Variants in TUT7 observed in about 807,000 individuals in gnomAD.
The protein encoded by TUT7 is terminal uridylyltransferase 7.
In TUT7, 33 loss-of-function variants were observed where a neutral mutation model predicts 165.9. The ratio of observed to expected loss-of-function variants is 0.20; its 90% confidence interval spans 0.15 to 0.27. The LOEUF is 0.27. Among genes scored for constraint, TUT7 ranks in the 10% least tolerant of loss-of-function variants. TUT7 has a pLI of 1.00. For synonymous variants in TUT7, 552 were observed against 608.1 expected (o/e 0.91, Z 1.36); for missense variants, 1,338 against 1,762.3 (o/e 0.76, Z 4.31).
chr9:86,302,952 T>C (rs1390735212), intron 25 of TUT7, 134 bp downstream of exon 25: 2 of 511,826 alleles, frequency 3.9e-6, no homozygotes, highest in East Asian at 3.1e-5. Flanking sequence ...AAAAATAAAA[T>C]AAAAAACTTA....
At chr9:86,326,607 C>T (rs750544173) in intron 11 of TUT7, 1 of 154,368 alleles carries the variant, frequency 6.5e-6, no homozygotes, top group Non-Finnish European at 1.5e-5. Flanking sequence ...TACAAGAAAT[C>T]CATATATCAC....
In TUT7 at chr9:86,346,494, A is replaced by G. The variant is rs775848542; in HGVS notation, c.521-14T>C. ...GCTTCTTGTTTTCTTAAGGTGGGGGAAAAATATTATTGGCAATATTAAATA... is the reference window on the plus strand; with the variant it reads ...GCTTCTTGTTTTCTTAAGGTGGGGGGAAAATATTATTGGCAATATTAAATA... On this transcript the variant is annotated splice_polypyrimidine_tract_variant and intron_variant, in intron 2 of 26. Transcript: ENST00000375963. The G allele has an allele frequency of 4.6e-5, 74 of 1,608,822 alleles. 1 individual carries two copies. The highest frequency in any genetic ancestry group is 6.3e-5 in the Non-Finnish European group (74 of 1,177,892).
At chr9:86,301,739 CCTA>C (rs1206569486) in intron 25 of TUT7, 138 bp from the exon 26 acceptor site, 1 of 1,460,612 alleles carries the variant, frequency 6.8e-7, no homozygotes, top group African/African-American at 1.4e-5. Flanking sequence ...AAAGCAAGAA[CCTA>C]AATGAAAATC....
intron 12 of TUT7, 151 bp downstream of exon 12, chr9:86,325,183 C>T: frequency 1.4e-6 from 1 of 696,016 alleles, no homozygotes; most frequent in Non-Finnish European, 2.4e-6. Flanking sequence ...CCACTGTTAA[C>T]ACATGCAAGA....
chr9:86,288,645 G>A lies in TUT7; in HGVS notation c.*32C>T. 4 of 1,584,464 alleles carry A rather than the reference G, an allele frequency of 2.5e-6. No individual in the cohort carries two copies. Among genetic ancestry groups the A allele is most frequent in the Non-Finnish European group, 3.5e-6 (4 of 1,153,562 alleles). On this transcript the variant is annotated 3_prime_UTR_variant, in exon 27 of 27. Coordinates refer to ENST00000375963, the MANE Select transcript of TUT7 (RefSeq NM_024617.4). The stretch of plus-strand genomic sequence containing the variant: ...TTTCCGAGTGAATAGGAACGCCTGA[G>A]TGGCCATTTAGAGTGCTGCATTTTC...
At chr9:86,346,569 GAGAGA>G in intron 2 of TUT7, 89 bp from the exon 3 acceptor site, 1 of 1,321,724 alleles carries the variant, frequency 7.6e-7, no homozygotes, top group Non-Finnish European at 1.0e-6. Flanking sequence ...TAAATCATGT[GAGAGA>G]ATAAATCACA....
At chr9:86,324,943 A>C (rs1829657848) in intron 12 of TUT7, among the ~76,000 whole-genome samples, 1 of 152,356 alleles carries the variant, frequency 6.6e-6, no homozygotes, top group Non-Finnish European at 1.5e-5. Flanking sequence ...TATTGTCCTC[A>C]CCTTTGCAAA....
intron 24 of TUT7, among the ~76,000 whole-genome samples, chr9:86,304,571 C>T (rs1827275873): frequency 6.6e-6 from 1 of 152,032 alleles, no homozygotes; most frequent in Non-Finnish European, 1.5e-5. Context: ...CAGCAATGCA[C>T]CTATGAAGGC....
At position 86,345,824 on chromosome 9, in the gene TUT7, TA is replaced by T. The variant is rs1406307786; in HGVS notation, c.703-40del. The T allele has an allele frequency of 2.1e-6, 3 of 1,397,766 alleles. No individual in the cohort carries two copies. In the African/African-American group the frequency reaches 4.3e-5, roughly 20 times the overall value. The allele number at this position is 1,397,766 out of a possible 1,614,324, so 86.6% of individuals were successfully genotyped here. ...AGATTTATTTAGAGAGAGACATAAG[TA>T]AAACCAAACATTCAGATAAACAAAA... On this transcript the variant is annotated intron_variant, in intron 3 of 26. Transcript: ENST00000375963.
chr9:86,321,189 CT>C (rs1829256778), intron 14 of TUT7, among the ~76,000 whole-genome samples: 1 of 145,446 alleles, frequency 6.9e-6, no homozygotes, highest in Admixed American at 6.8e-5. Context: ...CCCATCTCTA[CT>C]AAAAAAAAAA....
At chr9:86,291,303 A>T (rs1394688542) in intron 26 of TUT7, among the ~76,000 whole-genome samples, 4 of 152,102 alleles carry the variant, frequency 2.6e-5, no homozygotes, top group Non-Finnish European at 4.4e-5. Flanking sequence ...TAAACATGTA[A>T]AAAGGGCCTG....
At chr9:86,290,526 T>C (rs569314914) in intron 26 of TUT7, among the ~76,000 whole-genome samples, 3 of 152,208 alleles carry the variant, frequency 2.0e-5, no homozygotes, top group South Asian at 2.1e-4. Context: ...ATCTTCGATA[T>C]TGTGAACTGC....
Position 86,323,236 on chromosome 9 carries a change from T to C in TUT7, c.2514A>G (p.Thr838=). 1 of 1,614,174 alleles carries C rather than the reference T, an allele frequency of 6.2e-7. No homozygotes were observed. The highest frequency in any genetic ancestry group is 8.5e-7 in the Non-Finnish European group (1 of 1,180,032). Residue 838 remains threonine (T), a synonymous_variant, in exon 13 of 27, where the codon ACA becomes ACG. Transcript: ENST00000375963. ...NHFTHSVQGQ[T]SEMIPSDEEE... ...CTTCATCAGAGGGAATCATTTCTGA[T>C]GTCTGGCCCTGTACTGAGTGGGTAA... is the stretch of plus-strand genomic sequence containing the variant.
chr9:86,345,323 A>C (rs886324505), intron 4 of TUT7, among the ~76,000 whole-genome samples, 169 bp from the exon 5 acceptor site: 1 of 152,202 alleles, frequency 6.6e-6, no homozygotes, highest in Admixed American at 6.5e-5. Flanking sequence ...TTATGCACAT[A>C]ATGTGGATCA....
At chr9:86,353,769 G>A (rs1168621299) in intron 1 of TUT7, among the ~76,000 whole-genome samples, 2 of 152,150 alleles carry the variant, frequency 1.3e-5, no homozygotes, top group Non-Finnish European at 2.9e-5. Flanking sequence ...CTTAGGTTAC[G>A]GAGGGGCTGG....
intron 2 of TUT7, among the ~76,000 whole-genome samples, chr9:86,350,489 C>T (rs1832177133): frequency 6.6e-6 from 1 of 152,138 alleles, no homozygotes; most frequent in Non-Finnish European, 1.5e-5. Context: ...AATCAAAAGC[C>T]CAGAAATTAT....
In TUT7 at chr9:86,341,007, T is replaced by C; in HGVS notation, c.1133A>G (p.Asn378Ser). The C allele has an allele frequency of 6.2e-7, 1 of 1,611,384 alleles. No individual in the cohort carries two copies. Among genetic ancestry groups the C allele is most frequent in the Admixed American group, 1.7e-5 (1 of 59,956 alleles). ...VLLLVQECLK[N>S]SDSFIDVDAD... is the part of the protein sequence containing the mutation. ...AATGTGGAATTTGGCCTTACCACTG[T>C]TCTTTAAACATTCTTGAACAAGTAA... Residue 378 changes from asparagine to serine, a missense_variant, in exon 7 of 27, where the codon AAC becomes AGC. Asn to Ser is a conservative substitution (Grantham distance 46). Around this residue, in one of 7 missense-constraint regions of TUT7, gnomAD observed 434 missense variants for 480.8 expected, o/e 0.90. Transcript: ENST00000375963.
At chr9:86,298,574 T>G (rs1271612007) in intron 26 of TUT7, among the ~76,000 whole-genome samples, 2 of 152,202 alleles carry the variant, frequency 1.3e-5, no homozygotes, top group Non-Finnish European at 2.9e-5. Flanking sequence ...GGCCCATGCT[T>G]AACCACTGAA....
chr9:86,338,421 A>G (rs938727121), intron 9 of TUT7, among the ~76,000 whole-genome samples: 6 of 152,142 alleles, frequency 3.9e-5, no homozygotes, highest in African/African-American at 1.4e-4. Context: ...AACATTATGG[A>G]AATGTAAACA....
Sources: allele counts gnomAD v4.1 joint callset (sites outside exome capture counted in the v4.1 genomes callset), GRCh38; gene constraint gnomAD v4.1.1; regional missense constraint gnomAD v4.1.1; transcripts MANE v1.5; gene names NCBI Gene and HGNC (gene_info 2026-07-23, HGNC 2026-07-21).